COPS4: variants seen among roughly 807,000 people sequenced by gnomAD.
COPS4 encodes COP9 signalosome complex subunit 4.
COPS4 carries 8 observed loss-of-function variants against 55.1 expected under a neutral mutation model. The ratio of observed to expected loss-of-function variants is 0.15; its 90% CI spans 0.09 to 0.26. The LOEUF (loss-of-function observed/expected upper bound fraction) is 0.26. Among genes scored for constraint, COPS4 ranks in the 10% least tolerant of loss-of-function variants. COPS4 has a pLI of 1.00. For synonymous variants in COPS4, 185 were observed against 165.7 expected, an observed-to-expected ratio of 1.12 and a Z score of -0.90; for missense variants, 248 against 484.0, an observed-to-expected ratio of 0.51 and a Z score of 4.58.
intron 8 of COPS4, among the ~76,000 whole-genome samples, chr4:83,068,148 G>A (rs1731334456): frequency 6.6e-6 from 1 of 152,128 alleles, no homozygotes; most frequent in South Asian, 2.1e-4. Flanking sequence ...ATGGATCCTA[G>A]TAAGAAGAAA....
At chr4:83,056,155 C>T (rs1731007889) in intron 4 of COPS4, among the ~76,000 whole-genome samples, 1 of 152,094 alleles carries the variant, frequency 6.6e-6, no homozygotes, top group Non-Finnish European at 1.5e-5. Flanking sequence ...TGGTCTTGAA[C>T]TCCTGACCTC....
chr4:83,036,069 T>C (rs1348639732), intron 1 of COPS4: 2 of 152,210 alleles, frequency 1.3e-5, no homozygotes, highest in Admixed American at 6.5e-5. Context: ...TCTTTGTAGA[T>C]GTCACAGCAT....
chr4:83,040,028 G>T (rs576367957), intron 1 of COPS4, among the ~76,000 whole-genome samples: 16 of 152,100 alleles, frequency 1.1e-4, no homozygotes, highest in Admixed American at 5.9e-4. Context: ...TAACCTCTAG[G>T]CCTCTTACTC....
chr4:83,063,075 G>T lies in COPS4; in HGVS notation c.716-1G>T. ...ATTTGATGCTCATTTATTTCTCTTA[G>T]GGCAGCAGCGTTCTCGGATGCTAGC... On this transcript the variant is annotated splice_acceptor_variant, in intron 6 of 9. Coordinates refer to ENST00000264389, the MANE Select transcript of COPS4 (RefSeq NM_016129.3). LOFTEE classifies it high-confidence loss of function. 6.5e-7 allele frequency: 1 copy of T among 1,546,650 alleles called. No homozygotes were observed. The highest frequency in any genetic ancestry group is 1.2e-5 in the South Asian group (1 of 80,110).
chr4:83,041,934 A>G (rs537226120), intron 1 of COPS4, among the ~76,000 whole-genome samples: 2 of 150,538 alleles, frequency 1.3e-5, no homozygotes, highest in East Asian at 4.0e-4. Flanking sequence ...GCGGGATCTC[A>G]GCTCACTGCA....
At chr4:83,039,212 G>A (rs751946678) in intron 1 of COPS4, among the ~76,000 whole-genome samples, 76 of 152,130 alleles carry the variant, frequency 5.0e-4, no homozygotes, top group Non-Finnish European at 9.3e-4. Context: ...CTGCCAGCCA[G>A]GCCAGGTAGG....
At chr4:83,048,155 A>G (rs770718363) in intron 2 of COPS4, among the ~76,000 whole-genome samples, 4 of 152,230 alleles carry the variant, frequency 2.6e-5, no homozygotes, top group Non-Finnish European at 5.9e-5. Flanking sequence ...ATATTATTGC[A>G]TTTAAGCTTC....
chr4:83,051,692 G>T (rs1287032387), intron 4 of COPS4, among the ~76,000 whole-genome samples: 1 of 152,166 alleles, frequency 6.6e-6, no homozygotes, highest in Non-Finnish European at 1.5e-5. Context: ...GAATGTATTA[G>T]TCTGGAGATT....
At chr4:83,037,883 A>G (rs1360067555) in intron 1 of COPS4, among the ~76,000 whole-genome samples, 2 of 152,224 alleles carry the variant, frequency 1.3e-5, no homozygotes, top group Non-Finnish European at 2.9e-5. Flanking sequence ...ATCCAGGTTC[A>G]TCTACTCTAA....
intron 6 of COPS4, among the ~76,000 whole-genome samples, chr4:83,058,853 G>A (rs186071661): frequency 3.3e-5 from 5 of 152,210 alleles, no homozygotes; most frequent in African/African-American, 1.2e-4. Flanking sequence ...GGATCCAAAG[G>A]TACATACTTT....
chr4:83,048,124 A>G (rs1578707477), intron 2 of COPS4, among the ~76,000 whole-genome samples: 1 of 152,236 alleles, frequency 6.6e-6, no homozygotes, highest in Non-Finnish European at 1.5e-5. Context: ...TGTACCAGGT[A>G]TTGTTTAAAG....
At chr4:83,054,298 C>G (rs980563113) in intron 4 of COPS4, among the ~76,000 whole-genome samples, 1 of 152,140 alleles carries the variant, frequency 6.6e-6, no homozygotes, top group Non-Finnish European at 1.5e-5. Context: ...GCCAAGATCA[C>G]ACCACTGCAC....
chr4:83,048,785 G>A (rs750760843), intron 2 of COPS4, among the ~76,000 whole-genome samples: 1 of 151,942 alleles, frequency 6.6e-6, no homozygotes, highest in Non-Finnish European at 1.5e-5. Context: ...GGGACTACAG[G>A]TGCCCACCAC....
chr4:83,037,010 A>T (rs1212120232), intron 1 of COPS4, among the ~76,000 whole-genome samples: 2 of 152,176 alleles, frequency 1.3e-5, no homozygotes, highest in Non-Finnish European at 2.9e-5. Context: ...ACCAGTGTAA[A>T]ACAACTATGA....
chr4:83,053,963 A>G (rs1257798140), intron 4 of COPS4, among the ~76,000 whole-genome samples: 1 of 152,156 alleles, frequency 6.6e-6, no homozygotes, highest in African/African-American at 2.4e-5. Context: ...GAGAAGGATG[A>G]AAGGTATGAG....
Position 83,068,522 on chromosome 4 carries a change from A to G in COPS4, c.1087A>G (p.Thr363Ala). 6 of 1,578,862 alleles carry G rather than the reference A, an allele frequency of 3.8e-6. No individual in the cohort carries two copies. The highest frequency in any genetic ancestry group is 4.4e-6 in the Non-Finnish European group (5 of 1,148,318). Residue 363 changes from threonine (T) to alanine (A), a missense_variant and splice_region_variant, in exon 9 of 10, where the codon ACA (threonine) becomes GCA (alanine). Transcript: ENST00000264389. ...GATTGATGGAATAGTTCATTTTGAA[A>G]GTAAGAGGTTTTGTGTATTTCTGTC... ...DQIDGIVHFE[T>A]REALPTWDKQ...
At chr4:83,047,939 T>C (rs1021434146) in intron 2 of COPS4, among the ~76,000 whole-genome samples, 1 of 151,246 alleles carries the variant, frequency 6.6e-6, no homozygotes, top group East Asian at 1.9e-4. Flanking sequence ...AGGTGGAGCT[T>C]GCAGTGAGCC....
intron 4 of COPS4, among the ~76,000 whole-genome samples, chr4:83,054,754 A>G (rs576346357): frequency 4.6e-5 from 7 of 152,344 alleles, no homozygotes; most frequent in Non-Finnish European, 5.9e-5. Flanking sequence ...CATAATTATC[A>G]TTTTATAGTA....
Position 83,036,258 on chromosome 4 carries a change from ACCC to A in COPS4, c.74+969_74+971del, listed in dbSNP as rs33940074. On this transcript the variant is annotated intron_variant, in intron 1 of 9. Transcript: ENST00000264389. ...AGACCAGCCTGGGCAACATAGTGAG[ACCC>A]CCCCCCCCGCCGCCACCCGTCTCCG... Among the ~76,000 whole-genome samples, 493 of 146,354 alleles carry A rather than the reference ACCC, an allele frequency of 3.4e-3. 1 individual carries two copies. Among genetic ancestry groups the A allele is most frequent in the African/African-American group, 9.5e-3 (374 of 39,450 alleles).
Sources: gnomAD v4.1 joint callset for allele counts (sites outside exome capture counted in the v4.1 genomes callset) on GRCh38, gnomAD v4.1.1 for gene constraint, MANE v1.5 for transcripts, NCBI Gene and HGNC (gene_info 2026-07-23, HGNC 2026-07-21) for gene names.